Variants in CEP112 observed in about 807,000 individuals in gnomAD.
The protein encoded by CEP112 is centrosomal protein of 112 kDa.
A neutral mutation model predicts 153.0 loss-of-function variants in CEP112; 127 were observed. The observed-to-expected ratio is 0.83, with a 90% CI of 0.72 to 0.96. CEP112 has a LOEUF of 0.96. Among genes scored for constraint, CEP112 ranks in the 40% least tolerant of loss-of-function variants. The pLI is 0.00. For missense variants in CEP112, 1,089 were observed against 1,101.2 expected, an observed-to-expected ratio of 0.99 and a Z score of 0.16; for synonymous variants, 358 against 374.4, an observed-to-expected ratio of 0.96 and a Z score of 0.51.
chr17:65,857,192 C>T (rs1216388901), intron 20 of CEP112, among the ~76,000 whole-genome samples: 2 of 152,146 alleles, frequency 1.3e-5, no homozygotes, highest in African/African-American at 4.8e-5. Flanking sequence ...TCCCTCTTTT[C>T]TGCTTATCAC....
rs144285148 is a variant in CEP112 at position 66,022,193 on chromosome 17, T to C, written c.1656+5308A>G. Among the ~76,000 whole-genome samples, 27 of 152,270 alleles carry C rather than the reference T, an allele frequency of 1.8e-4. 1 individual carries two copies. The East Asian group carries it at 4.8e-3, about 27-fold the overall frequency. On this transcript the variant is annotated intron_variant, in intron 16 of 26. Transcript: ENST00000535342. ...TCATACAAAGCCTTAACATTCAACA[T>C]ACCCAGAAGTAAACAGCTCTACCCA... is the stretch of plus-strand genomic sequence containing the variant.
intron 21 of CEP112, among the ~76,000 whole-genome samples, chr17:65,778,996 T>A (rs2053847655): frequency 9.5e-6 from 1 of 104,862 alleles, no homozygotes; most frequent in African/African-American, 3.0e-5. Flanking sequence ...CAAGACCTTA[T>A]CTCTTTAAAA....
intron 18 of CEP112, among the ~76,000 whole-genome samples, chr17:65,928,890 A>C (rs1018576790): frequency 6.6e-6 from 1 of 152,136 alleles, no homozygotes; most frequent in African/African-American, 2.4e-5. Flanking sequence ...ATAAATAGAA[A>C]AAAAACTAAC....
intron 18 of CEP112, among the ~76,000 whole-genome samples, chr17:65,937,586 CCCGG>C (rs2061374235): frequency 1.1e-5 from 1 of 89,948 alleles, no homozygotes; most frequent in African/African-American, 3.6e-5. Context: ...CAGCCCCCCA[CCCGG>C]CCAGCCGCCC....
At chr17:66,046,728 G>A (rs551373277) in intron 12 of CEP112, among the ~76,000 whole-genome samples, 16 of 152,222 alleles carry the variant, frequency 1.1e-4, no homozygotes, top group South Asian at 2.1e-4. Flanking sequence ...GGATTAGGGT[G>A]GGCCCTAAAT....
intron 6 of CEP112, among the ~76,000 whole-genome samples, chr17:66,126,134 C>T (rs1007770324): frequency 1.3e-5 from 2 of 152,066 alleles, no homozygotes; most frequent in African/African-American, 4.8e-5. Context: ...ATATTATATG[C>T]CTCACTTATC....
chr17:65,694,373 C>T (rs983815405), intron 23 of CEP112, among the ~76,000 whole-genome samples: 1 of 152,134 alleles, frequency 6.6e-6, no homozygotes, highest in Non-Finnish European at 1.5e-5. Flanking sequence ...TAGATCTGAT[C>T]CTTTTTCCAT....
chr17:65,950,717 G>T (rs12944212), intron 18 of CEP112, among the ~76,000 whole-genome samples: 15 of 120,846 alleles, frequency 1.2e-4, no homozygotes, highest in South Asian at 3.3e-4. Context: ...AGTAGTAGTA[G>T]TAGTAGTAGT....
intron 21 of CEP112, among the ~76,000 whole-genome samples, chr17:65,823,941 T>C (rs2056716468): frequency 1.3e-5 from 2 of 152,174 alleles, no homozygotes; most frequent in Non-Finnish European, 1.5e-5. Flanking sequence ...AATAACATTA[T>C]TAACTCCACA....
At chr17:65,841,710 G>T (rs1210405263) in intron 21 of CEP112, among the ~76,000 whole-genome samples, 1 of 151,960 alleles carries the variant, frequency 6.6e-6, no homozygotes, top group Non-Finnish European at 1.5e-5. Context: ...TAATTTTTCT[G>T]ATTTGATCAC....
At chr17:65,931,047 T>C (rs1359895833) in intron 18 of CEP112, among the ~76,000 whole-genome samples, 4 of 152,200 alleles carry the variant, frequency 2.6e-5, no homozygotes, top group African/African-American at 9.7e-5. Context: ...GTAAGCTTTG[T>C]TTAGTAATGC....
intron 21 of CEP112, among the ~76,000 whole-genome samples, chr17:65,794,551 C>T (rs1220750589): frequency 6.6e-6 from 1 of 152,168 alleles, no homozygotes. Flanking sequence ...CTCCCCCTGG[C>T]GAAACTCTCA....
chr17:65,800,177 T>C (rs1322423326), intron 21 of CEP112, among the ~76,000 whole-genome samples: 1 of 152,118 alleles, frequency 6.6e-6, no homozygotes, highest in African/African-American at 2.4e-5. Context: ...ATTTTAATGG[T>C]TTTTACTGTA....
At chr17:65,752,663 C>T (rs2051956850) in intron 21 of CEP112, among the ~76,000 whole-genome samples, 1 of 152,122 alleles carries the variant, frequency 6.6e-6, no homozygotes, top group African/African-American at 2.4e-5. Context: ...TTCACTTCAC[C>T]CCATACCCAG....
rs530906676 is a variant in CEP112, at chr17:65,682,607, G to A, written c.2697+6522C>T. Among the ~76,000 whole-genome samples, 66 of 152,188 alleles carry A rather than the reference G, an allele frequency of 4.3e-4. 2 individuals carry two copies. In the South Asian group the frequency reaches 0.014, roughly 31 times the overall value. On this transcript the variant is annotated intron_variant, in intron 24 of 26. Coordinates refer to ENST00000535342, the MANE Select transcript of CEP112 (RefSeq NM_001199165.4). ...TGCTGGTCCTGACACACAACACAGC[G>A]CTCAATAAAGAGTAGACACTCAGTA...
chr17:66,005,172 C>A (rs2064220783), intron 17 of CEP112, among the ~76,000 whole-genome samples: 1 of 151,968 alleles, frequency 6.6e-6, no homozygotes, highest in Admixed American at 6.6e-5. Flanking sequence ...TAGGAGAGCC[C>A]AATCAATTTA....
intron 24 of CEP112, among the ~76,000 whole-genome samples, chr17:65,663,773 G>A (rs1030226889): frequency 3.3e-5 from 5 of 152,162 alleles, no homozygotes; most frequent in Non-Finnish European, 5.9e-5. Context: ...TAACAGTTTT[G>A]GGGGGAAGCA....
Position 66,029,950 on chromosome 17 carries a change from C to G in CEP112, c.1292G>C (p.Arg431Thr). ...TGCTTTTTCTTGAATTAATTTCTGC[C>G]TCTGTAAATTACTGTTCTCTGCTTC... ...TGEAENSNLQRQKLIQEKAEL... is the reference protein window; with the variant it reads ...TGEAENSNLQTQKLIQEKAEL... The change falls in exon 13 of 27, where the codon AGG becomes ACG. Residue 431 changes from arginine to threonine, a missense_variant. Coordinates refer to ENST00000535342, the MANE Select transcript of CEP112 (RefSeq NM_001199165.4). 6.2e-7 allele frequency: 1 copy of G among 1,613,418 alleles called. No homozygotes were observed. Among genetic ancestry groups the G allele is most frequent in the Non-Finnish European group, 8.5e-7 (1 of 1,179,576 alleles).
chr17:65,731,504 A>C (rs2050506167), intron 23 of CEP112, among the ~76,000 whole-genome samples: 1 of 152,134 alleles, frequency 6.6e-6, no homozygotes, highest in Non-Finnish European at 1.5e-5. Flanking sequence ...GCTGACTAAT[A>C]AGGGTGGTGG....
Sources: allele counts gnomAD v4.1 joint callset (sites outside exome capture counted in the v4.1 genomes callset), GRCh38; gene constraint gnomAD v4.1.1; transcripts MANE v1.5; gene names NCBI Gene and HGNC (gene_info 2026-07-23, HGNC 2026-07-21).